The following NRG3 variants were observed in gnomAD, a reference collection of about 807,000 sequenced individuals.
NRG3 encodes the protein pro-neuregulin-3, membrane-bound isoform.
A neutral mutation model predicts 66.9 loss-of-function variants in NRG3; 31 were observed. That is an observed-to-expected ratio of 0.46 (90% confidence interval 0.35 to 0.63). The LOEUF (loss-of-function observed/expected upper bound fraction) is 0.63. Ranked by LOEUF, NRG3 falls within the 20% of genes least tolerant of loss-of-function variation. The pLI, the probability that NRG3 is intolerant of heterozygous loss-of-function variation, is 0.00. For synonymous variants in NRG3, 393 were observed against 359.4 expected (o/e 1.09, Z -1.06); for missense variants, 910 against 878.9 (o/e 1.04, Z -0.45).
intron 1 of NRG3, among the ~76,000 whole-genome samples, chr10:82,170,023 C>T (rs1415397665): frequency 6.7e-6 from 1 of 149,438 alleles, no homozygotes; most frequent in East Asian, 2.0e-4. Flanking sequence ...GACCACTGAT[C>T]TATGGATATG....
Position 82,460,330 on chromosome 10 carries a change from T to C in NRG3, c.953+101462T>C, listed in dbSNP as rs562097403. Among the ~76,000 whole-genome samples, 5 of 152,320 alleles carry C rather than the reference T, an allele frequency of 3.3e-5. No individual in the cohort carries two copies. In the East Asian group the frequency reaches 7.7e-4, roughly 23 times the overall value. On this transcript the variant is annotated intron_variant, in intron 2 of 8. Transcript: ENST00000372141. ...CTTCCCTTAGGCAAATTTTAACCTC[T>C]CTTTGTAAAATAAAGAAACTGATAG...
intron 1 of NRG3, among the ~76,000 whole-genome samples, chr10:82,234,399 G>T (rs978648685): frequency 1.3e-5 from 2 of 152,132 alleles, no homozygotes; most frequent in African/African-American, 4.8e-5. Context: ...CTTCAAAGCA[G>T]CTGATCACAG....
intron 2 of NRG3, among the ~76,000 whole-genome samples, chr10:82,380,937 A>G (rs79944637): frequency 0.035 from 5,383 of 152,254 alleles, 158 homozygotes; most frequent in African/African-American, 0.079. Context: ...CATTCATACA[A>G]TGGAATGCCA....
chr10:82,310,676 C>T (rs958275907), intron 1 of NRG3, among the ~76,000 whole-genome samples: 1 of 151,942 alleles, frequency 6.6e-6, no homozygotes, highest in Non-Finnish European at 1.5e-5. Context: ...TGCGAAATAC[C>T]GTAAGAACTC....
intron 1 of NRG3, among the ~76,000 whole-genome samples, chr10:82,109,535 T>TTGTGTGTG (rs747213240): frequency 2.5e-3 from 348 of 138,828 alleles, no homozygotes; most frequent in Middle Eastern, 0.015. Flanking sequence ...AAGAATAAGA[T>TTGTGTGTG]TGTGTGTGTG....
At chr10:82,611,306 G>A (rs924088872) in intron 2 of NRG3, among the ~76,000 whole-genome samples, 3 of 151,278 alleles carry the variant, frequency 2.0e-5, no homozygotes, top group Non-Finnish European at 4.4e-5. Context: ...CTAGGGTACA[G>A]GTGCACAACA....
At chr10:82,263,351 C>G (rs1260669020) in intron 1 of NRG3, among the ~76,000 whole-genome samples, 1 of 152,190 alleles carries the variant, frequency 6.6e-6, no homozygotes, top group Non-Finnish European at 1.5e-5. Flanking sequence ...AGTTCATGCA[C>G]TCTGAATGAG....
At chr10:82,039,297 A>G (rs915842118) in intron 1 of NRG3, among the ~76,000 whole-genome samples, 7 of 152,208 alleles carry the variant, frequency 4.6e-5, no homozygotes, top group African/African-American at 1.4e-4. Context: ...GCTGAGCAAC[A>G]TTTTTTAAAT....
intron 1 of NRG3, among the ~76,000 whole-genome samples, chr10:82,049,028 C>A (rs1413315523): frequency 6.6e-6 from 1 of 152,104 alleles, no homozygotes; most frequent in Admixed American, 6.6e-5. Flanking sequence ...GACACATACA[C>A]CCTCCCAGGA....
intron 3 of NRG3, among the ~76,000 whole-genome samples, chr10:82,743,226 G>A (rs1430957467): frequency 4.6e-5 from 7 of 152,038 alleles, no homozygotes; most frequent in Non-Finnish European, 5.9e-5. Flanking sequence ...ACTTGGAGTC[G>A]TCTAGCCCCT....
intron 4 of NRG3, among the ~76,000 whole-genome samples, chr10:82,902,375 A>T (rs137885459): frequency 6.6e-6 from 1 of 152,260 alleles, no homozygotes; most frequent in Non-Finnish European, 1.5e-5. Context: ...TATATGCAGC[A>T]TTTCTTTTTT....
chr10:81,911,603 GTTTTTTT>G (rs796518872), intron 1 of NRG3, among the ~76,000 whole-genome samples: 58 of 77,962 alleles, frequency 7.4e-4, no homozygotes, highest in African/African-American at 1.9e-3. Flanking sequence ...GCACAGACTT[GTTTTTTT>G]TTTTTTTTTT....
At chr10:81,878,135 C>G in intron 1 of NRG3, 1 of 1,454,234 alleles carries the variant, frequency 6.9e-7, no homozygotes, top group Admixed American at 2.5e-5. Flanking sequence ...TCCTACATTC[C>G]GTGGACGGGA....
chr10:82,870,162 C>A (rs561705563), intron 4 of NRG3, among the ~76,000 whole-genome samples: 2 of 152,066 alleles, frequency 1.3e-5, no homozygotes, highest in South Asian at 2.1e-4. Flanking sequence ...GCCACCACGC[C>A]TGGCCCCACT....
chr10:82,362,854 TA>T (rs2084277015), intron 2 of NRG3, among the ~76,000 whole-genome samples: 1 of 152,148 alleles, frequency 6.6e-6, no homozygotes, highest in South Asian at 2.1e-4. Context: ...ATCAGAAGTG[TA>T]TGTTGACCCC....
At chr10:82,006,523 C>T (rs2133734047) in intron 1 of NRG3, among the ~76,000 whole-genome samples, 1 of 152,058 alleles carries the variant, frequency 6.6e-6, no homozygotes, top group South Asian at 2.1e-4. Flanking sequence ...TTTATATCAT[C>T]AATATAGTCT....
At chr10:82,267,159 T>C (rs1439815421) in intron 1 of NRG3, among the ~76,000 whole-genome samples, 1 of 152,190 alleles carries the variant, frequency 6.6e-6, no homozygotes, top group Non-Finnish European at 1.5e-5. Flanking sequence ...ACAAGCAGGT[T>C]GGCTGCTGCT....
chr10:82,671,743 A>T (rs895525262), intron 2 of NRG3, among the ~76,000 whole-genome samples: 2 of 152,260 alleles, frequency 1.3e-5, no homozygotes, highest in African/African-American at 4.8e-5. Flanking sequence ...TTGAAACCAC[A>T]CACCTATTCA....
intron 2 of NRG3, among the ~76,000 whole-genome samples, chr10:82,719,968 T>A (rs935037252): frequency 6.6e-6 from 1 of 152,238 alleles, no homozygotes; most frequent in African/African-American, 2.4e-5. Flanking sequence ...CACTGTAATT[T>A]TCCTTTAGAC....
Sources: allele counts gnomAD v4.1 joint callset (sites outside exome capture counted in the v4.1 genomes callset), GRCh38; gene constraint gnomAD v4.1.1; transcripts MANE v1.5; gene names NCBI Gene and HGNC (gene_info 2026-07-23, HGNC 2026-07-21).